DYM: variants seen among roughly 807,000 people sequenced by gnomAD.
The protein encoded by DYM is dyggve-Melchior-Clausen syndrome protein.
DYM carries 78 observed loss-of-function variants against 93.1 expected under a neutral mutation model. That is an observed-to-expected ratio of 0.84 (90% confidence interval 0.70 to 1.01). DYM has a LOEUF of 1.01. Ranked by LOEUF, DYM falls within the 50% of genes least tolerant of loss-of-function variation. DYM has a pLI of 0.00. For synonymous variants in DYM, 321 were observed against 319.7 expected (o/e 1.00, Z -0.04); for missense variants, 789 against 845.0 (o/e 0.93, Z 0.82).
chr18:49,275,833 G>C (rs2094835699), intron 10 of DYM, among the ~76,000 whole-genome samples: 1 of 152,010 alleles, frequency 6.6e-6, no homozygotes, highest in African/African-American at 2.4e-5. Context: ...ATGCTATTAT[G>C]AACAGAACTA....
At chr18:49,393,039 G>A (rs1481594434) in intron 2 of DYM, among the ~76,000 whole-genome samples, 3 of 132,224 alleles carry the variant, frequency 2.3e-5, no homozygotes, top group African/African-American at 8.2e-5. Context: ...GGAGGAGGAG[G>A]AGGAGGAGGA....
chr18:49,399,108 C>T (rs932388987), intron 2 of DYM, among the ~76,000 whole-genome samples: 3 of 152,160 alleles, frequency 2.0e-5, no homozygotes, highest in African/African-American at 7.2e-5. Flanking sequence ...AAAGATGCTG[C>T]CTCTGCCTCC....
intron 3 of DYM, among the ~76,000 whole-genome samples, chr18:49,384,106 T>C (rs531588719): frequency 1.3e-4 from 20 of 152,044 alleles, no homozygotes; most frequent in South Asian, 1.0e-3. Context: ...AGAGAATTGC[T>C]TGTGGCCAGA....
chr18:49,173,130 T>C (rs1347967509), intron 14 of DYM, among the ~76,000 whole-genome samples: 1 of 152,116 alleles, frequency 6.6e-6, no homozygotes, highest in East Asian at 1.9e-4. Context: ...ATTGAGCATA[T>C]ATGCACTGGT....
chr18:49,234,001 C>A (rs1488814485), intron 13 of DYM, among the ~76,000 whole-genome samples: 1 of 152,028 alleles, frequency 6.6e-6, no homozygotes, highest in African/African-American at 2.4e-5. Flanking sequence ...TGGTAGCGGG[C>A]GCCTGTAGTC....
chr18:49,300,153 A>G (rs2060825429), intron 8 of DYM, among the ~76,000 whole-genome samples: 1 of 149,170 alleles, frequency 6.7e-6, no homozygotes, highest in Non-Finnish European at 1.5e-5. Context: ...CTCCATATAA[A>G]AATCAAGATT....
At chr18:49,075,278 T>C (rs1732507522) in intron 17 of DYM, among the ~76,000 whole-genome samples, 1 of 152,134 alleles carries the variant, frequency 6.6e-6, no homozygotes, top group Admixed American at 6.6e-5. Flanking sequence ...TACCATCCCA[T>C]TTGAGGGCCG....
chr18:49,141,429 C>G (rs758764191), intron 15 of DYM, among the ~76,000 whole-genome samples: 1 of 152,146 alleles, frequency 6.6e-6, no homozygotes, highest in Non-Finnish European at 1.5e-5. Flanking sequence ...GAACATAGCC[C>G]TACAATGACC....
intron 6 of DYM, among the ~76,000 whole-genome samples, chr18:49,362,114 C>T (rs1410888877): frequency 1.3e-5 from 2 of 151,778 alleles, no homozygotes; most frequent in Admixed American, 1.3e-4. Context: ...AATACACCTG[C>T]CTCAGGCTCC....
At chr18:49,278,886 C>A (rs1282009244) in intron 10 of DYM, among the ~76,000 whole-genome samples, 1 of 152,148 alleles carries the variant, frequency 6.6e-6, no homozygotes, top group Non-Finnish European at 1.5e-5. Flanking sequence ...TAGGCATAAG[C>A]AATGGGTCTG....
At chr18:49,079,340 C>T (rs1316071912) in intron 17 of DYM, among the ~76,000 whole-genome samples, 2 of 151,228 alleles carry the variant, frequency 1.3e-5, no homozygotes, top group South Asian at 2.1e-4. Flanking sequence ...CTGTGGATGT[C>T]GGGACATTTT....
chr18:49,206,490 A>G (rs1222021126), intron 14 of DYM: 2 of 152,198 alleles, frequency 1.3e-5, no homozygotes, highest in African/African-American at 4.8e-5. Flanking sequence ...TGCAGGGACT[A>G]CACTCCACCT....
At chr18:49,209,955 A>G (rs1943009) in intron 13 of DYM, among the ~76,000 whole-genome samples, 89,514 of 152,036 alleles carry the variant, frequency 0.59, 28,721 homozygotes, top group Non-Finnish European at 0.74. Context: ...TAAGCATATG[A>G]AGAGATGTTT....
chr18:49,381,891 G>T (rs1427503893), intron 3 of DYM, among the ~76,000 whole-genome samples: 1 of 149,808 alleles, frequency 6.7e-6, no homozygotes, highest in East Asian at 1.9e-4. Flanking sequence ...AATACCCAGA[G>T]ACCTCAGGGT....
At chr18:49,099,350 T>C (rs1253270594) in intron 16 of DYM, among the ~76,000 whole-genome samples, 1 of 152,158 alleles carries the variant, frequency 6.6e-6, no homozygotes, top group African/African-American at 2.4e-5. Context: ...GAAATTCTGA[T>C]CCCAGGGCCT....
intron 16 of DYM, among the ~76,000 whole-genome samples, chr18:49,106,439 C>T (rs897021096): frequency 6.6e-6 from 1 of 152,158 alleles, no homozygotes; most frequent in South Asian, 2.1e-4. Flanking sequence ...TGAATTTGAT[C>T]CTGTCATTAT....
At chr18:49,207,748 A>C (rs1600658521) in intron 14 of DYM, among the ~76,000 whole-genome samples, 1 of 152,156 alleles carries the variant, frequency 6.6e-6, no homozygotes, top group Non-Finnish European at 1.5e-5. Flanking sequence ...CAGGCTGCCA[A>C]CCTGCCCTAC....
chr18:49,124,529 CTT>C, intron 15 of DYM, among the ~76,000 whole-genome samples: 1 of 148,348 alleles, frequency 6.7e-6, no homozygotes. Flanking sequence ...AAAAAAGAAA[CTT>C]TATATTAATA....
intron 16 of DYM, chr18:49,114,650 C>CTT: frequency 1.2e-6 from 1 of 832,976 alleles, no homozygotes; most frequent in Non-Finnish European, 1.4e-6. Flanking sequence ...CTTTCAGAGA[C>CTT]TTTTTTTTTC....
Sources: allele counts gnomAD v4.1 joint callset (sites outside exome capture counted in the v4.1 genomes callset), GRCh38; gene constraint gnomAD v4.1.1; transcripts MANE v1.5; gene names NCBI Gene and HGNC (gene_info 2026-07-23, HGNC 2026-07-21).